The following JAZF1 variants were observed in gnomAD, a reference collection of about 807,000 sequenced individuals.
The protein encoded by JAZF1 is JAZF zinc finger 1, also known as juxtaposed with another zinc finger protein 1.
JAZF1 carries 8 observed loss-of-function variants against 26.4 expected under a neutral mutation model. That is an observed-to-expected ratio of 0.30 (90% confidence interval 0.18 to 0.55). JAZF1 has a LOEUF of 0.55. Among genes scored for constraint, JAZF1 ranks in the 20% least tolerant of loss-of-function variants. JAZF1 has a pLI of 0.94. For synonymous variants in JAZF1, 126 were observed against 122.3 expected, an observed-to-expected ratio of 1.03 and a Z score of -0.20; for missense variants, 199 against 322.0, an observed-to-expected ratio of 0.62 and a Z score of 2.92.
chr7:27,831,915 CTA>C lies in JAZF1; in HGVS notation c.*883_*884del, dbSNP rs754552153. On this transcript the variant is annotated 3_prime_UTR_variant, in exon 5 of 5. Transcript: ENST00000283928. Reference sequence around the variant, plus strand: ...ACTTCATCTGAAGATGAAGATATAACTAAACTTCACACACACACACTTTGCAC... The same window carrying C: ...ACTTCATCTGAAGATGAAGATATAACAACTTCACACACACACACTTTGCAC... 4.6e-6 allele frequency: 1 copy of C among 218,616 alleles called. No individual in the cohort carries two copies. Among genetic ancestry groups the C allele is most frequent in the Non-Finnish European group, 9.2e-6 (1 of 108,652 alleles). 13.5% of individuals were successfully genotyped at this position (218,616 alleles called of 1,614,324 possible).
At chr7:27,914,386 C>T (rs1416054138) in intron 2 of JAZF1, among the ~76,000 whole-genome samples, 2 of 152,150 alleles carry the variant, frequency 1.3e-5, no homozygotes, top group African/African-American at 4.8e-5. Context: ...ATGTTATGCA[C>T]AGCGTGAGGC....
intron 3 of JAZF1, among the ~76,000 whole-genome samples, chr7:27,893,473 C>G (rs1784009397): frequency 6.6e-6 from 1 of 152,204 alleles, no homozygotes; most frequent in Non-Finnish European, 1.5e-5. Flanking sequence ...CTCGGGCCAC[C>G]TGGCCTTTCA....
chr7:28,018,385 G>C (rs1184235410), intron 1 of JAZF1, among the ~76,000 whole-genome samples: 2 of 152,202 alleles, frequency 1.3e-5, no homozygotes, highest in African/African-American at 4.8e-5. Context: ...GCAATGGAAA[G>C]ACACAGGACA....
At chr7:28,116,455 C>A (rs1434505104) in intron 1 of JAZF1, among the ~76,000 whole-genome samples, 1 of 152,058 alleles carries the variant, frequency 6.6e-6, no homozygotes, top group Non-Finnish European at 1.5e-5. Context: ...CTCTCTCTCT[C>A]TTTTTTTCAG....
At chr7:28,020,905 G>A in intron 1 of JAZF1, 3 of 323,588 alleles carry the variant, frequency 9.3e-6, no homozygotes, top group Non-Finnish European at 1.8e-5. Flanking sequence ...AAGTCTAAGG[G>A]AGGAAGTCAG....
At chr7:28,176,426 T>C (rs1783552506) in intron 1 of JAZF1, among the ~76,000 whole-genome samples, 1 of 152,210 alleles carries the variant, frequency 6.6e-6, no homozygotes, top group African/African-American at 2.4e-5. Flanking sequence ...CCTTCGAGGT[T>C]TTGTCTCCCA....
rs747887256 is a variant in JAZF1, at chr7:28,180,615, G to T, written c.-38C>A. Reference sequence around the variant, plus strand: ...AGAGCCCCCCTGGTGTCGGCTCTGCGAGCGCCGGGCGGGCGAGGGAGGGAG... The same window carrying T: ...AGAGCCCCCCTGGTGTCGGCTCTGCTAGCGCCGGGCGGGCGAGGGAGGGAG... On this transcript the variant is annotated 5_prime_UTR_variant, in exon 1 of 5. Transcript: ENST00000283928. 1 of 1,553,680 alleles carries T rather than the reference G, an allele frequency of 6.4e-7. No individual in the cohort carries two copies. Among genetic ancestry groups the T allele is most frequent in the South Asian group, 1.1e-5 (1 of 88,124 alleles).
intron 3 of JAZF1, among the ~76,000 whole-genome samples, chr7:27,849,109 A>C (rs1012064320): frequency 1.4e-5 from 2 of 146,444 alleles, no homozygotes; most frequent in Admixed American, 1.3e-4. Flanking sequence ...TGTTCCTTTG[A>C]TTTATTTTTA....
intron 1 of JAZF1, among the ~76,000 whole-genome samples, chr7:28,097,161 T>C (rs1784400061): frequency 6.6e-6 from 1 of 152,078 alleles, no homozygotes; most frequent in Non-Finnish European, 1.5e-5. Flanking sequence ...CTAACCAACT[T>C]TTCAGAAAAC....
intron 1 of JAZF1, among the ~76,000 whole-genome samples, chr7:28,082,853 C>G (rs1464208028): frequency 6.6e-6 from 1 of 152,144 alleles, no homozygotes; most frequent in Non-Finnish European, 1.5e-5. Flanking sequence ...CACAAGGTAG[C>G]CAGGGCCAGC....
At chr7:27,957,622 T>G (rs1785120923) in intron 2 of JAZF1, among the ~76,000 whole-genome samples, 1 of 152,198 alleles carries the variant, frequency 6.6e-6, no homozygotes, top group Non-Finnish European at 1.5e-5. Flanking sequence ...TCCTACCATC[T>G]AGAAGATCCT....
chr7:27,974,761 TA>T (rs765095988), intron 2 of JAZF1, among the ~76,000 whole-genome samples: 3 of 152,168 alleles, frequency 2.0e-5, no homozygotes, highest in Non-Finnish European at 2.9e-5. Flanking sequence ...CTTCTGAAGC[TA>T]TGAAGGAATA....
chr7:28,074,449 C>T (rs953630461), intron 1 of JAZF1, among the ~76,000 whole-genome samples: 1 of 152,144 alleles, frequency 6.6e-6, no homozygotes, highest in Admixed American at 6.5e-5. Flanking sequence ...ACAAACAAAA[C>T]ATTGTGGAGA....
chr7:28,112,667 C>T (rs1784680900), intron 1 of JAZF1, among the ~76,000 whole-genome samples: 1 of 152,108 alleles, frequency 6.6e-6, no homozygotes, highest in South Asian at 2.1e-4. Context: ...ATAAGGCATA[C>T]AAAGTACTGT....
chr7:27,896,351 T>G lies in JAZF1; in HGVS notation c.189-935A>C, dbSNP rs1784062606. On this transcript the variant is annotated intron_variant, in intron 2 of 4. Coordinates refer to ENST00000283928, the MANE Select transcript of JAZF1 (RefSeq NM_175061.4). The stretch of plus-strand genomic sequence containing the variant: ...CCTAAAGAACATTCACCTTTTCATA[T>G]TGGCAGGCAAACTTTGTCAGCTGCA... Among the ~76,000 whole-genome samples, 3 of 152,212 alleles carry G rather than the reference T, an allele frequency of 2.0e-5. No homozygotes were observed. In the South Asian group the frequency reaches 6.2e-4, roughly 32 times the overall value.
chr7:28,149,752 A>G (rs1783080651), intron 1 of JAZF1, among the ~76,000 whole-genome samples: 1 of 152,222 alleles, frequency 6.6e-6, no homozygotes, highest in Non-Finnish European at 1.5e-5. Flanking sequence ...TATCTGCTGA[A>G]ACATGGGATA....
intron 3 of JAZF1, chr7:27,842,252 G>A (rs964705998): frequency 6.6e-6 from 1 of 152,196 alleles, no homozygotes; most frequent in Non-Finnish European, 1.5e-5. Context: ...AACCCTAGGA[G>A]GTGGGGATTA....
intron 1 of JAZF1, among the ~76,000 whole-genome samples, chr7:28,141,421 C>T (rs1782957354): frequency 6.6e-6 from 1 of 152,176 alleles, no homozygotes; most frequent in African/African-American, 2.4e-5. Context: ...GAGGCCAGTG[C>T]TACTCAAGCC....
chr7:28,114,841 C>A (rs577070685), intron 1 of JAZF1, among the ~76,000 whole-genome samples: 1 of 151,222 alleles, frequency 6.6e-6, no homozygotes, highest in Non-Finnish European at 1.5e-5. Flanking sequence ...GCCACGTGAA[C>A]GGGGCTTATA....
Sources: allele counts gnomAD v4.1 joint callset (sites outside exome capture counted in the v4.1 genomes callset), GRCh38; gene constraint gnomAD v4.1.1; transcripts MANE v1.5; gene names NCBI Gene and HGNC (gene_info 2026-07-23, HGNC 2026-07-21).